Variants in TRMT2B observed in about 807,000 individuals in gnomAD.
The protein encoded by TRMT2B is tRNA methyltransferase 2B.
In TRMT2B, 34 loss-of-function variants were observed where a neutral mutation model predicts 39.7. That is an observed-to-expected ratio of 0.86 (90% CI 0.65 to 1.14). The LOEUF (loss-of-function observed/expected upper bound fraction) is 1.14, where lower values mean the gene tolerates loss of function less well. Ranked by LOEUF, TRMT2B falls within the 50% of genes most tolerant of loss-of-function variation. TRMT2B has a pLI of 0.00. For synonymous variants in TRMT2B, 132 were observed against 137.3 expected, an observed-to-expected ratio of 0.96 and a Z score of 0.27; for missense variants, 318 against 377.2, an observed-to-expected ratio of 0.84 and a Z score of 1.30.
chrX:101,049,136 A>ATGAG (rs1260592878), intron 2 of TRMT2B, among the ~76,000 whole-genome samples: 1 of 111,156 alleles, frequency 9.0e-6, no homozygotes. Flanking sequence ...GACCCTCTAC[A>ATGAG]TGAGTGCCTG....
intron 8 of TRMT2B, 70 bp from the exon 9 acceptor site, chrX:101,022,132 A>G: frequency 1.3e-6 from 1 of 752,178 alleles, no homozygotes; most frequent in Non-Finnish European, 2.1e-6. Context: ...TAAGCTCTAT[A>G]GTAATCAGCC....
intron 7 of TRMT2B, among the ~76,000 whole-genome samples, chrX:101,030,454 C>CTTTTTTTTTTTTTTTT (rs1331923176): frequency 0.025 from 1,815 of 71,724 alleles, 245 homozygotes; most frequent in Non-Finnish European, 0.038. Flanking sequence ...GATCTGCATT[C>CTTTTTTTTTTTTTTTT]TTTTTTTTTT....
intron 7 of TRMT2B, among the ~76,000 whole-genome samples, chrX:101,033,066 G>A (rs1376280879): frequency 9.2e-6 from 1 of 108,945 alleles, no homozygotes; most frequent in Non-Finnish European, 1.9e-5. Context: ...GACCAGCCTG[G>A]CCAACATGGT....
chrX:101,040,848 C>T (rs2088184592), intron 4 of TRMT2B, among the ~76,000 whole-genome samples: 1 of 111,170 alleles, frequency 9.0e-6, no homozygotes, highest in Non-Finnish European at 1.9e-5. Context: ...ATATAATTGG[C>T]CTAAAGTTCC....
At chrX:100,983,958 C>T in the TRMT2B span, among the ~76,000 whole-genome samples, 4 of 111,505 alleles carry the variant, frequency 3.6e-5, no homozygotes, top group East Asian at 1.1e-3. Flanking sequence ...AGAAGTTATG[C>T]ATTCTAGTCT....
the TRMT2B span, among the ~76,000 whole-genome samples, chrX:100,977,708 G>A: frequency 8.9e-6 from 1 of 111,799 alleles, no homozygotes; most frequent in Non-Finnish European, 1.9e-5. Context: ...ATCTCCATGA[G>A]TTCAATTATT....
At chrX:101,031,269 C>T (rs762611559) in intron 7 of TRMT2B, among the ~76,000 whole-genome samples, 1 of 111,963 alleles carries the variant, frequency 8.9e-6, no homozygotes, top group Admixed American at 9.6e-5. Context: ...GCCACCACAC[C>T]GGTCCTAAGG....
At chrX:101,046,524 C>A (rs2088681031) in intron 2 of TRMT2B, among the ~76,000 whole-genome samples, 2 of 111,970 alleles carry the variant, frequency 1.8e-5, no homozygotes, top group African/African-American at 6.5e-5. Context: ...CCTAGGTGGC[C>A]GTTGCCAAGT....
chrX:100,988,151 G>C, the TRMT2B span: 1 of 1,067,466 alleles, frequency 9.4e-7, no homozygotes, highest in Non-Finnish European at 1.3e-6. Flanking sequence ...AGCTTGAAGT[G>C]TGTCCGTTTC....
chrX:101,051,444 C>A lies in TRMT2B; in HGVS notation c.-217G>T. ...CCACAGGCAGTCAGGTCCTTGTCTC[C>A]CCAACAAGACTCCACTAGCCCTTCC... On this transcript the variant is annotated 5_prime_UTR_variant, in exon 2 of 14. It introduces an in-frame stop codon into an upstream open reading frame of the 5' UTR. Transcript: ENST00000372936. 1 of 754,568 alleles carries A rather than the reference C, an allele frequency of 1.3e-6. No individual in the cohort carries two copies. Among genetic ancestry groups the A allele is most frequent in the Non-Finnish European group, 1.6e-6 (1 of 639,458 alleles). The allele number at this position is 754,568 out of a possible 1,213,427, so 62.2% of individuals were successfully genotyped here.
chrX:101,051,745 G>C lies in TRMT2B; in HGVS notation c.-506-12C>G. The C allele has an allele frequency of 5.5e-6, 4 of 731,205 alleles. No individual in the cohort carries two copies. The highest frequency in any genetic ancestry group is 6.5e-6 in the Non-Finnish European group (4 of 617,748). 60.3% of individuals were successfully genotyped at this position (731,205 alleles called of 1,213,427 possible). ...TAGTAGGGAGTTTTCTGTAAAGCAA[G>C]GGTTAAATCAGGTTTTCCGGGCTAT... is the stretch of plus-strand genomic sequence containing the variant. On this transcript the variant is annotated splice_polypyrimidine_tract_variant and intron_variant, in intron 1 of 13. Coordinates refer to ENST00000372936, the MANE Select transcript of TRMT2B (RefSeq NM_024917.6).
chrX:101,034,484 C>T (rs2087714433), intron 7 of TRMT2B, among the ~76,000 whole-genome samples: 1 of 110,944 alleles, frequency 9.0e-6, no homozygotes, highest in Non-Finnish European at 1.9e-5. Context: ...AAAATTTTAC[C>T]CATGGCAGGG....
the TRMT2B span, among the ~76,000 whole-genome samples, chrX:100,988,852 A>ATATATATATATCT: frequency 5.8e-4 from 3 of 5,180 alleles, no homozygotes; most frequent in African/African-American, 2.5e-3. Flanking sequence ...AATATATCTC[A>ATATATATATATCT]TATATATATA....
the TRMT2B span, chrX:100,973,566 C>A: frequency 1.1e-6 from 1 of 942,374 alleles, no homozygotes; most frequent in Non-Finnish European, 1.5e-6. Context: ...AGACTTCTAA[C>A]AATCCCAGGC....
chrX:100,988,164 C>T, the TRMT2B span: 9 of 1,142,291 alleles, frequency 7.9e-6, no homozygotes, highest in Non-Finnish European at 1.1e-5. Flanking sequence ...TCCGTTTCTA[C>T]TACTGCTGTC....
the TRMT2B span, among the ~76,000 whole-genome samples, chrX:100,977,369 C>CTTTTTT: frequency 2.1e-4 from 12 of 56,468 alleles, 1 homozygote; most frequent in African/African-American, 7.9e-4. Context: ...CTACTCTCTT[C>CTTTTTT]TTTTTTTTTT....
At chrX:100,982,112 A>G in the TRMT2B span, among the ~76,000 whole-genome samples, 1 of 111,099 alleles carries the variant, frequency 9.0e-6, no homozygotes, top group Admixed American at 9.7e-5. Flanking sequence ...CTGGCTATAT[A>G]TTTCAATCAG....
intron 7 of TRMT2B, among the ~76,000 whole-genome samples, chrX:101,024,820 C>CA (rs1029725104): frequency 9.2e-6 from 1 of 109,019 alleles, no homozygotes; most frequent in Admixed American, 9.9e-5. Context: ...GACTCTATCT[C>CA]AAAAAAACAG....
chrX:101,027,054 T>C (rs764621137), intron 7 of TRMT2B, among the ~76,000 whole-genome samples: 9 of 110,908 alleles, frequency 8.1e-5, no homozygotes, highest in Non-Finnish European at 1.7e-4. Context: ...AAGTCACCAC[T>C]ACTCCGCGAA....
Sources: allele counts gnomAD v4.1 joint callset (sites outside exome capture counted in the v4.1 genomes callset), GRCh38; gene constraint gnomAD v4.1.1; transcripts MANE v1.5; gene names NCBI Gene and HGNC (gene_info 2026-07-23, HGNC 2026-07-21).